KITLG: variants seen among roughly 807,000 people sequenced by gnomAD.
KITLG encodes KIT ligand, also known as c-Kit ligand.
In KITLG, 13 loss-of-function variants were observed where a neutral mutation model predicts 34.1. The observed-to-expected ratio is 0.38, with a 90% CI of 0.25 to 0.61. The LOEUF (loss-of-function observed/expected upper bound fraction) is 0.61, where lower values mean the gene tolerates loss of function less well. KITLG is among the 20% of genes least tolerant of loss of function. KITLG has a pLI of 0.60. For synonymous variants in KITLG, 110 were observed against 104.0 expected, an observed-to-expected ratio of 1.06 and a Z score of -0.35; for missense variants, 292 against 318.9, an observed-to-expected ratio of 0.92 and a Z score of 0.64.
intron 1 of KITLG, among the ~76,000 whole-genome samples, chr12:88,567,816 T>A (rs554190791): frequency 7.3e-4 from 111 of 152,254 alleles, no homozygotes; most frequent in African/African-American, 2.6e-3. Context: ...TAGACACTAT[T>A]ATAAACCTCA....
rs534853981 is a variant in KITLG, at chr12:88,580,375, G to C, written c.-97C>G. 20 of 1,398,474 alleles carry C rather than the reference G, an allele frequency of 1.4e-5. No homozygotes were observed. The East Asian group carries it at 4.8e-4, about 34-fold the overall frequency. The allele number at this position is 1,398,474 out of a possible 1,614,324, so 86.6% of individuals were successfully genotyped here. On this transcript the variant is annotated 5_prime_UTR_variant, in exon 1 of 10. The change creates a new upstream start codon in the 5' untranslated region. Coordinates refer to ENST00000644744, the MANE Select transcript of KITLG (RefSeq NM_000899.5). ...GCATATTGCACGAACAGCGGCGGCA[G>C]ATAGTCCACGCATTGGGTAGCCCGA...
chr12:88,532,750 T>A (rs1870146286), intron 2 of KITLG, among the ~76,000 whole-genome samples: 1 of 152,180 alleles, frequency 6.6e-6, no homozygotes. Flanking sequence ...TGGCTAGGTA[T>A]AACCTACTGA....
chr12:88,575,514 C>A (rs1371250548), intron 1 of KITLG, among the ~76,000 whole-genome samples: 2 of 152,098 alleles, frequency 1.3e-5, no homozygotes, highest in African/African-American at 4.8e-5. Flanking sequence ...TTAGTATACC[C>A]ATAATTAAGT....
At chr12:88,535,567 C>T (rs1207066541) in intron 2 of KITLG, among the ~76,000 whole-genome samples, 2 of 152,136 alleles carry the variant, frequency 1.3e-5, no homozygotes, top group Non-Finnish European at 2.9e-5. Context: ...ACCTATAGCG[C>T]AGTATCCCAT....
intron 1 of KITLG, among the ~76,000 whole-genome samples, chr12:88,572,595 T>TTATA (rs58146008): frequency 0.092 from 12,421 of 134,508 alleles, 649 homozygotes; most frequent in South Asian, 0.15. Context: ...ATATACATTA[T>TTATA]TATATATATA....
chr12:88,527,177 C>T (rs11104922), intron 3 of KITLG, among the ~76,000 whole-genome samples: 12,847 of 152,192 alleles, frequency 0.084, 572 homozygotes, highest in Non-Finnish European at 0.1. Flanking sequence ...TAGATCACTA[C>T]AGTCTTGGAG....
chr12:88,571,425 C>T (rs1871646561), intron 1 of KITLG, among the ~76,000 whole-genome samples: 3 of 152,120 alleles, frequency 2.0e-5, no homozygotes, highest in Admixed American at 6.5e-5. Context: ...CCATTCAAAC[C>T]TTTGCTATTC....
In KITLG at chr12:88,515,592, T is replaced by C. The variant is rs760617165; in HGVS notation, c.546A>G (p.Pro182=). The C allele has an allele frequency of 1.9e-6, 3 of 1,610,750 alleles. No homozygotes were observed. Among genetic ancestry groups the C allele is most frequent in the East Asian group, 2.2e-5 (1 of 44,744 alleles). ...TGGCTGCAACAGGGGGTAACATAAA[T>C]GGTTTTGTGACACTGACTCTGGAAT... is the stretch of plus-strand genomic sequence containing the variant. ...EKDSRVSVTK[P]FMLPPVAASS... is the part of the protein sequence containing the mutation. Residue 182 remains proline (P), a synonymous_variant, in exon 6 of 10, where the codon CCA becomes CCG. Transcript: ENST00000644744.
chr12:88,572,598 T>TATATAG (rs1249774550), intron 1 of KITLG, among the ~76,000 whole-genome samples: 1 of 139,816 alleles, frequency 7.2e-6, no homozygotes, highest in African/African-American at 2.7e-5. Context: ...TACATTATTA[T>TATATAG]ATATATATAT....
At chr12:88,519,357 A>G (rs1869576750) in intron 3 of KITLG, among the ~76,000 whole-genome samples, 1 of 152,106 alleles carries the variant, frequency 6.6e-6, no homozygotes, top group Non-Finnish European at 1.5e-5. Context: ...CTTTTCTCTT[A>G]TAAAGATCTT....
At chr12:88,557,205 G>A (rs1861459191) in intron 1 of KITLG, among the ~76,000 whole-genome samples, 1 of 152,056 alleles carries the variant, frequency 6.6e-6, no homozygotes, top group Admixed American at 6.5e-5. Context: ...CTCACCTGGG[G>A]TTAACAGAGC....
At chr12:88,514,726 T>C (rs1383228785) in intron 6 of KITLG, among the ~76,000 whole-genome samples, 1 of 151,736 alleles carries the variant, frequency 6.6e-6, no homozygotes, top group African/African-American at 2.4e-5. Context: ...ATGTTCTGCA[T>C]TGTAACAAGC....
chr12:88,497,760 G>T (rs894893150), intron 9 of KITLG, among the ~76,000 whole-genome samples: 1 of 152,180 alleles, frequency 6.6e-6, no homozygotes, highest in Non-Finnish European at 1.5e-5. Context: ...AGGTGGAGAA[G>T]CTGGTCAATG....
At chr12:88,542,651 C>T (rs979451654) in intron 2 of KITLG, among the ~76,000 whole-genome samples, 3 of 152,180 alleles carry the variant, frequency 2.0e-5, no homozygotes, top group East Asian at 3.9e-4. Context: ...CATGCACACA[C>T]ACACACACAC....
At chr12:88,502,126 G>C (rs1868885178) in intron 9 of KITLG, among the ~76,000 whole-genome samples, 1 of 152,132 alleles carries the variant, frequency 6.6e-6, no homozygotes, top group South Asian at 2.1e-4. Flanking sequence ...TGACGAGTAA[G>C]GCACTTTGTG....
chr12:88,553,402 G>C (rs192000381), intron 1 of KITLG, among the ~76,000 whole-genome samples: 37 of 152,132 alleles, frequency 2.4e-4, no homozygotes, highest in Non-Finnish European at 1.3e-4. Flanking sequence ...TGTGACTTCT[G>C]CTCTAAAATG....
chr12:88,499,870 A>G (rs925895320), intron 9 of KITLG, among the ~76,000 whole-genome samples: 5 of 152,148 alleles, frequency 3.3e-5, no homozygotes, highest in African/African-American at 9.7e-5. Context: ...TCTTATTTAA[A>G]GACTGGCCTG....
intron 2 of KITLG, among the ~76,000 whole-genome samples, chr12:88,534,374 CT>C (rs763194236): frequency 1.3e-5 from 2 of 151,386 alleles, no homozygotes; most frequent in South Asian, 2.1e-4. Flanking sequence ...ATCATTGCTG[CT>C]TTTTTTTTCT....
chr12:88,523,368 T>G (rs1162112668), intron 3 of KITLG, among the ~76,000 whole-genome samples: 1 of 152,220 alleles, frequency 6.6e-6, no homozygotes, highest in African/African-American at 2.4e-5. Flanking sequence ...GGACTCTCGA[T>G]CACTCATTTT....
Sources: allele counts gnomAD v4.1 joint callset (sites outside exome capture counted in the v4.1 genomes callset), GRCh38; gene constraint gnomAD v4.1.1; transcripts MANE v1.5; gene names NCBI Gene and HGNC (gene_info 2026-07-23, HGNC 2026-07-21).